The following MRPL50 variants were observed in gnomAD, a reference collection of about 807,000 sequenced individuals.
The protein encoded by MRPL50 is mitochondrial ribosomal protein L50, also known as large ribosomal subunit protein mL50.
MRPL50 carries 10 observed loss-of-function variants against 16.2 expected under a neutral mutation model. That is an observed-to-expected ratio of 0.62 (90% CI 0.38 to 1.05). MRPL50 has a LOEUF of 1.05. Among genes scored for constraint, MRPL50 ranks in the 50% least tolerant of loss-of-function variants. The pLI, the probability that MRPL50 is intolerant of heterozygous loss-of-function variation, is 0.01. For synonymous variants in MRPL50, 68 were observed against 66.8 expected, an observed-to-expected ratio of 1.02 and a Z score of -0.09; for missense variants, 213 against 187.1, an observed-to-expected ratio of 1.14 and a Z score of -0.81.
chr9:101,397,252 G>C (rs1830362919), intron 1 of MRPL50, among the ~76,000 whole-genome samples: 1 of 152,108 alleles, frequency 6.6e-6, no homozygotes, highest in African/African-American at 2.4e-5. Context: ...CTTGAGTCCA[G>C]GAGTTCAAGA....
At chr9:101,397,352 CTAA>C (rs1316589620) in intron 1 of MRPL50, among the ~76,000 whole-genome samples, 9 of 152,048 alleles carry the variant, frequency 5.9e-5, no homozygotes, top group African/African-American at 2.2e-4. Flanking sequence ...ATTATCTTGA[CTAA>C]TAATCAACAT....
At position 101,390,057 on chromosome 9, in the gene MRPL50, C is replaced by G. The variant is rs1406139091; in HGVS notation, c.*409G>C. 3.1e-6 allele frequency: 3 copies of G among 958,548 alleles called. No homozygotes were observed. The highest frequency in any genetic ancestry group is 3.7e-6 in the Non-Finnish European group (3 of 803,760). The allele number at this position is 958,548 out of a possible 1,614,324, so 59.4% of individuals were successfully genotyped here. ...ACTTTTATGTTTCTTTTATAGGTATCTATCTAATAAAAGTTTATTTGTGTA... is the reference window on the plus strand; with the variant it reads ...ACTTTTATGTTTCTTTTATAGGTATGTATCTAATAAAAGTTTATTTGTGTA... On this transcript the variant is annotated 3_prime_UTR_variant, in exon 2 of 2. Transcript: ENST00000374865.
intron 1 of MRPL50, among the ~76,000 whole-genome samples, chr9:101,397,404 G>C (rs1830368247): frequency 6.6e-6 from 1 of 152,044 alleles, no homozygotes; most frequent in South Asian, 2.1e-4. Flanking sequence ...TTTTAAAATA[G>C]TAAAGAAAAT....
intron 1 of MRPL50, among the ~76,000 whole-genome samples, chr9:101,397,571 C>T (rs909615943): frequency 2.6e-5 from 4 of 152,084 alleles, no homozygotes; most frequent in African/African-American, 7.2e-5. Context: ...TGTATTCTTA[C>T]AACACCTAAG....
chr9:101,395,495 C>T (rs143533058), intron 1 of MRPL50, among the ~76,000 whole-genome samples: 1 of 152,018 alleles, frequency 6.6e-6, no homozygotes, highest in East Asian at 1.9e-4. Context: ...TCACAATAGC[C>T]AAGATATGGA....
At chr9:101,393,498 T>C (rs192603389) in intron 1 of MRPL50, among the ~76,000 whole-genome samples, 190 of 152,278 alleles carry the variant, frequency 1.2e-3, no homozygotes, top group Non-Finnish European at 2.1e-3. Flanking sequence ...ACGTAAGATA[T>C]ATGATCTTAT....
intron 1 of MRPL50, among the ~76,000 whole-genome samples, chr9:101,396,255 TA>T (rs1213990020): frequency 3.3e-5 from 5 of 152,318 alleles, no homozygotes; most frequent in South Asian, 2.1e-4. Flanking sequence ...TCAAAAGTTA[TA>T]AACAGAACTA....
At chr9:101,394,410 C>T (rs148171411) in intron 1 of MRPL50, among the ~76,000 whole-genome samples, 21 of 152,294 alleles carry the variant, frequency 1.4e-4, no homozygotes, top group Admixed American at 2.0e-4. Flanking sequence ...TGATCCCACC[C>T]AGGATCATAA....
At chr9:101,396,810 C>T (rs571460803) in intron 1 of MRPL50, among the ~76,000 whole-genome samples, 22 of 152,010 alleles carry the variant, frequency 1.4e-4, no homozygotes, top group African/African-American at 1.4e-4. Flanking sequence ...GGCGTGGTGG[C>T]GGGCACCTGT....
chr9:101,397,664 T>A (rs1000028563), intron 1 of MRPL50, among the ~76,000 whole-genome samples: 2 of 152,198 alleles, frequency 1.3e-5, no homozygotes, highest in African/African-American at 4.8e-5. Context: ...ATTTGAGAGA[T>A]AATAACAAAT....
In MRPL50 at chr9:101,390,628, A is replaced by G. The variant is rs1830258415; in HGVS notation, c.315T>C (p.Ala105=). Residue 105 remains alanine (A), a synonymous_variant, in exon 2 of 2, where the codon GCT becomes GCC. Coordinates refer to ENST00000374865, the MANE Select transcript of MRPL50 (RefSeq NM_019051.3). ...RLKFNLLAHL[A]DDLGHVVPNS... The stretch of plus-strand genomic sequence containing the variant: ...TAGGGACTACATGACCCAAGTCATC[A>G]GCTAAATGAGCCAGAAGATTGAACT... 6.2e-7 allele frequency: 1 copy of G among 1,613,508 alleles called. No homozygotes were observed. Among genetic ancestry groups the G allele is most frequent in the Admixed American group, 1.7e-5 (1 of 59,944 alleles).
rs991893234 is a variant in MRPL50 at position 101,389,975 on chromosome 9, C to A, written c.*491G>T. 1 of 913,330 alleles carries A rather than the reference C, an allele frequency of 1.1e-6. No homozygotes were observed. The highest frequency in any genetic ancestry group is 1.8e-5 in the African/African-American group (1 of 55,444). 56.6% of individuals were successfully genotyped at this position (913,330 alleles called of 1,614,324 possible). On this transcript the variant is annotated 3_prime_UTR_variant, in exon 2 of 2. Transcript: ENST00000374865. ...ATTTACAACACACAATACACTTTAA[C>A]AAATCTACTTTAATTCTAAAAGAAA... is the stretch of plus-strand genomic sequence containing the variant.
At position 101,388,652 on chromosome 9, in the gene MRPL50, T is replaced by C. The variant is rs1391593901; in HGVS notation, c.*1814A>G. 2.0e-5 allele frequency: 3 copies of C among 152,142 alleles called. No individual in the cohort carries two copies. Among genetic ancestry groups the C allele is most frequent in the Non-Finnish European group, 2.9e-5 (2 of 68,004 alleles). 9.4% of individuals were successfully genotyped at this position (152,142 alleles called of 1,614,324 possible). A position where few individuals can be genotyped will look rare whatever the true frequency, so the allele number is the denominator to read the frequency against. On this transcript the variant is annotated 3_prime_UTR_variant, in exon 2 of 2. Coordinates refer to ENST00000374865, the MANE Select transcript of MRPL50 (RefSeq NM_019051.3). ...ACTGTATTGAGCTATAAACCAGTGA[T>C]GCCCTCTAGAGGTACTGATGGATGT...
At chr9:101,395,502 T>C (rs760579203) in intron 1 of MRPL50, among the ~76,000 whole-genome samples, 1 of 152,136 alleles carries the variant, frequency 6.6e-6, no homozygotes, top group Non-Finnish European at 1.5e-5. Flanking sequence ...AGCCAAGATA[T>C]GGAATCAAAC....
chr9:101,396,640 T>C lies in MRPL50; in HGVS notation c.92+1861A>G, dbSNP rs545230421. Reference sequence around the variant, plus strand: ...AATACCACATGATCTCACTTATATGTAGTATCTAAAAAGTCAAATTAGGCC... The same window carrying C: ...AATACCACATGATCTCACTTATATGCAGTATCTAAAAAGTCAAATTAGGCC... On this transcript the variant is annotated intron_variant, in intron 1 of 1. Transcript: ENST00000374865. Among the ~76,000 whole-genome samples the C allele has an allele frequency of 9.2e-5, 14 of 152,204 alleles. No individual in the cohort carries two copies. In the South Asian group the frequency reaches 1.2e-3, roughly 14 times the overall value.
rs1243259420 is a variant in MRPL50 at position 101,388,888 on chromosome 9, A to G, written c.*1578T>C. 1.3e-5 allele frequency: 2 copies of G among 152,152 alleles called. No individual in the cohort carries two copies. The highest frequency in any genetic ancestry group is 6.6e-5 in the Admixed American group (1 of 15,266). The allele number at this position is 152,152 out of a possible 1,614,324, so 9.4% of individuals were successfully genotyped here. Reference sequence around the variant, plus strand: ...AACAACTATTTACATAGCTATTTACATTGTATTCACTATTTACATAGCTAC... The same window carrying G: ...AACAACTATTTACATAGCTATTTACGTTGTATTCACTATTTACATAGCTAC... On this transcript the variant is annotated 3_prime_UTR_variant, in exon 2 of 2. Transcript: ENST00000374865.
intron 1 of MRPL50, among the ~76,000 whole-genome samples, chr9:101,395,306 C>T (rs2118142102): frequency 6.6e-6 from 1 of 152,186 alleles, no homozygotes; most frequent in Non-Finnish European, 1.5e-5. Context: ...AATACCAGTA[C>T]ACTGTTGGTG....
chr9:101,393,789 G>T (rs1245197076), intron 1 of MRPL50, among the ~76,000 whole-genome samples: 1 of 151,408 alleles, frequency 6.6e-6, no homozygotes, highest in Non-Finnish European at 1.5e-5. Flanking sequence ...AAATTGAAGG[G>T]GACACACAAA....
At chr9:101,392,357 A>G (rs920171129) in intron 1 of MRPL50, among the ~76,000 whole-genome samples, 1 of 152,060 alleles carries the variant, frequency 6.6e-6, no homozygotes, top group African/African-American at 2.4e-5. Context: ...CAATGAATTA[A>G]AAAGTTGGTT....
Sources: gnomAD v4.1 joint callset for allele counts (sites outside exome capture counted in the v4.1 genomes callset) on GRCh38, gnomAD v4.1.1 for gene constraint, MANE v1.5 for transcripts, NCBI Gene and HGNC (gene_info 2026-07-23, HGNC 2026-07-21) for gene names.